Variants in TBXT observed in about 807,000 individuals in gnomAD.
The protein encoded by TBXT is T brachyury transcription factor.
In TBXT, 19 loss-of-function variants were observed where a neutral mutation model predicts 41.1. That is an observed-to-expected ratio of 0.46 (90% CI 0.32 to 0.68). The LOEUF is 0.68. Ranked by LOEUF, TBXT falls within the 30% of genes least tolerant of loss-of-function variation. The pLI is 0.03. For synonymous variants in TBXT, 213 were observed against 238.9 expected (o/e 0.89, Z 1.00); for missense variants, 536 against 582.0 (o/e 0.92, Z 0.81).
At position 166,167,503 on chromosome 6, in the gene TBXT, G is replaced by T; in HGVS notation, c.89C>A (p.Ala30Glu). ...TGTGGGGTCGCCCTTCTCGCTGCCC[G>T]CCTGCAGCTCATTCTCCACGGCGCT... ...LLSAVENELQ[A>E]GSEKGDPTER... is the part of the protein sequence containing the mutation. Residue 30 changes from alanine (A) to glutamate (E), a missense_variant, in exon 1 of 8, where the codon GCG becomes GAG. By Grantham distance (107) the Ala-to-Glu change is moderately radical. Transcript: ENST00000366876. 1.2e-6 allele frequency: 2 copies of T among 1,608,296 alleles called. No homozygotes were observed. The highest frequency in any genetic ancestry group is 1.7e-6 in the Non-Finnish European group (2 of 1,179,570).
chr6:166,161,320 A>C (rs1209845069), intron 6 of TBXT, among the ~76,000 whole-genome samples: 1 of 152,224 alleles, frequency 6.6e-6, no homozygotes, highest in African/African-American at 2.4e-5. Context: ...TGATTACTTC[A>C]TAAGAATGGG....
Position 166,158,223 on chromosome 6 carries a change from A to G in TBXT, c.*92T>C. 1 of 1,597,216 alleles carries G rather than the reference A, an allele frequency of 6.3e-7. No individual in the cohort carries two copies. Among genetic ancestry groups the G allele is most frequent in the East Asian group, 2.2e-5 (1 of 44,820 alleles). Reference sequence around the variant, plus strand: ...GGCTGCATTTCCTTCTTAACCTGAGACTGCCACTGGGTACCTAGTAGGTCA... The same window carrying G: ...GGCTGCATTTCCTTCTTAACCTGAGGCTGCCACTGGGTACCTAGTAGGTCA... On this transcript the variant is annotated 3_prime_UTR_variant, in exon 8 of 8. Coordinates refer to ENST00000366876, the MANE Select transcript of TBXT (RefSeq NM_001366285.2).
Position 166,158,119 on chromosome 6 carries a change from C to T in TBXT, c.*196G>A. The T allele has an allele frequency of 1.3e-6, 1 of 799,574 alleles. No individual in the cohort carries two copies. The highest frequency in any genetic ancestry group is 2.0e-6 in the Non-Finnish European group (1 of 492,202). 49.5% of individuals were successfully genotyped at this position (799,574 alleles called of 1,614,324 possible). ...GCCACCTGGGACAGCACCGCTACTGCAGGTGTGAGCAAGGGATGCTGGGGC... is the reference window on the plus strand; with the variant it reads ...GCCACCTGGGACAGCACCGCTACTGTAGGTGTGAGCAAGGGATGCTGGGGC... On this transcript the variant is annotated 3_prime_UTR_variant, in exon 8 of 8. Coordinates refer to ENST00000366876, the MANE Select transcript of TBXT (RefSeq NM_001366285.2).
upstream of TBXT, chr6:166,167,867 G>A (rs1779180553): frequency 5.8e-6 from 3 of 521,266 alleles, no homozygotes; most frequent in East Asian, 3.3e-5. Context: ...CCGAAATTCA[G>A]TGCCCTCCCC....
chr6:166,162,293 G>A (rs1031832898), intron 6 of TBXT, among the ~76,000 whole-genome samples, 154 bp downstream of exon 6: 1 of 152,212 alleles, frequency 6.6e-6, no homozygotes, highest in Non-Finnish European at 1.5e-5. Context: ...ATAAATTGAA[G>A]ATCTTCTCTT....
chr6:166,167,594 T>A lies in TBXT; in HGVS notation c.-3A>T. The A allele has an allele frequency of 6.4e-7, 1 of 1,550,568 alleles. No homozygotes were observed. Among genetic ancestry groups the A allele is most frequent in the Non-Finnish European group, 8.7e-7 (1 of 1,153,712 alleles). ...CTCTCGGTGCCAGGGGAGCTCATCC[T>A]CCCGTCCGGCTCCCCTCCCCGCCGT... On this transcript the variant is annotated 5_prime_UTR_variant, in exon 1 of 8. Coordinates refer to ENST00000366876, the MANE Select transcript of TBXT (RefSeq NM_001366285.2).
rs2128523539 is a variant in TBXT, at chr6:166,166,787, C to T, written c.276G>A (p.Leu92=). The T allele has an allele frequency of 6.2e-7, 1 of 1,613,916 alleles. No homozygotes were observed. The highest frequency in any genetic ancestry group is 1.1e-5 in the South Asian group (1 of 91,088). The change falls in exon 2 of 8, where the codon CTG becomes CTA. Residue 92 remains leucine, a synonymous_variant. Transcript: ENST00000366876. ...GGTGGTTGTCCGCCGCCACGAAGTC[C>T]AGCAGGAAGGAGTACATGGCGTTGG... ...LDPNAMYSFL[L]DFVAADNHRW...
rs764501069 is a variant in TBXT at position 166,158,490 on chromosome 6, C to T, written c.1136G>A (p.Gly379Asp). 1.2e-6 allele frequency: 2 copies of T among 1,609,898 alleles called. No homozygotes were observed. The highest frequency in any genetic ancestry group is 1.7e-6 in the Non-Finnish European group (2 of 1,177,464). The part of the protein sequence containing the change: ...SNGLGAQFFR[G>D]SPAHYTPLTH... ...GAGGGGTGTGTAGTGCGCGGGGGAG[C>T]CCCGGAAGAACTGGGCCCCCAGCCC... Residue 379 changes from glycine (G) to aspartate (D), a missense_variant, in exon 8 of 8, where the codon GGC becomes GAC. Coordinates refer to ENST00000366876, the MANE Select transcript of TBXT (RefSeq NM_001366285.2).
At chr6:166,161,718 C>A (rs996723999) in intron 6 of TBXT, among the ~76,000 whole-genome samples, 1 of 152,100 alleles carries the variant, frequency 6.6e-6, no homozygotes, top group African/African-American at 2.4e-5. Flanking sequence ...GTCAGAAGAT[C>A]GAGACCATCC....
In TBXT at chr6:166,166,613, G is replaced by C; in HGVS notation, c.450C>G (p.Asn150Lys). The change falls in exon 2 of 8, where the codon AAC (asparagine) becomes AAG (lysine). Residue 150 changes from asparagine to lysine, a missense_variant. By Grantham distance (94) the Asn-to-Lys change is moderately conservative. Transcript: ENST00000366876. ...PVSFSKVKLT[N>K]KLNGGGQIML... ...CTACCTGGCCCCCTCCGTTGAGCTT[G>C]TTGGTGAGCTTGACTTTGCTGAAGG... is the stretch of plus-strand genomic sequence containing the variant. 6.2e-7 allele frequency: 1 copy of C among 1,614,060 alleles called. No homozygotes were observed. The highest frequency in any genetic ancestry group is 8.5e-7 in the Non-Finnish European group (1 of 1,180,018).
At chr6:166,167,956 C>A, upstream of TBXT, 1 of 363,450 alleles carries the variant, frequency 2.8e-6, no homozygotes, top group Non-Finnish European at 5.2e-6. Flanking sequence ...GGCAGCCTCC[C>A]ATTGGCCGAG....
rs1016396712 is a variant in TBXT at position 166,167,251 on chromosome 6, G to T, written c.206+135C>A. On this transcript the variant is annotated intron_variant, in intron 1 of 7. Coordinates refer to ENST00000366876, the MANE Select transcript of TBXT (RefSeq NM_001366285.2). ...GGCTTGTAGAAATGCACTCGAGGGA[G>T]TTAACCAGAGCGGGAACAAACACAA... 4 of 1,034,630 alleles carry T rather than the reference G, an allele frequency of 3.9e-6. No homozygotes were observed. In the Admixed American group the frequency reaches 6.2e-5, roughly 16 times the overall value. The allele number at this position is 1,034,630 out of a possible 1,614,324, so 64.1% of individuals were successfully genotyped here.
At chr6:166,160,573 G>A (rs1388890213) in intron 7 of TBXT, among the ~76,000 whole-genome samples, 2 of 152,112 alleles carry the variant, frequency 1.3e-5, no homozygotes, top group African/African-American at 2.4e-5. Flanking sequence ...TTTCATTCAG[G>A]GATGGGATAG....
chr6:166,161,035 TACC>T, intron 6 of TBXT, 69 bp from the exon 7 acceptor site: 1 of 1,588,382 alleles, frequency 6.3e-7, no homozygotes, highest in Non-Finnish European at 8.6e-7. Context: ...TACAGTGAAA[TACC>T]ACCAATAACT....
chr6:166,161,502 T>C (rs1433776486), intron 6 of TBXT, among the ~76,000 whole-genome samples: 1 of 152,258 alleles, frequency 6.6e-6, no homozygotes, highest in African/African-American at 2.4e-5. Flanking sequence ...TTTCCTTCTT[T>C]TGGAGCCAGA....
chr6:166,163,172 G>C (rs1215173339), intron 5 of TBXT, among the ~76,000 whole-genome samples: 1 of 152,204 alleles, frequency 6.6e-6, no homozygotes. Flanking sequence ...GCAGGTGAGA[G>C]ATGCTGAGAG....
rs756439333 is a variant in TBXT at position 166,167,612 on chromosome 6, C to T, written c.-21G>A. On this transcript the variant is annotated 5_prime_UTR_variant, in exon 1 of 8. Transcript: ENST00000366876. ...CTCATCCTCCCGTCCGGCTCCCCTC[C>T]CCGCCGTCCCCGAAGCCCAGACTCG... 68 of 1,541,322 alleles carry T rather than the reference C, an allele frequency of 4.4e-5. No homozygotes were observed. Among genetic ancestry groups the T allele is most frequent in the Non-Finnish European group, 5.7e-5 (65 of 1,148,952 alleles).
chr6:166,162,050 C>T (rs1014070869), intron 6 of TBXT, among the ~76,000 whole-genome samples: 1 of 152,232 alleles, frequency 6.6e-6, no homozygotes, highest in Non-Finnish European at 1.5e-5. Flanking sequence ...TGGAGAATCA[C>T]TGGTGTAGTC....
rs535926024 is a variant in TBXT at position 166,160,779 on chromosome 6, G to A, written c.1037+58C>T. ...AAGGGCCTATGGGAATGGAAACAGC[G>A]TGAAGTCACAGGCAGAGCTCCCAGG... On this transcript the variant is annotated intron_variant, in intron 7 of 7. Coordinates refer to ENST00000366876, the MANE Select transcript of TBXT (RefSeq NM_001366285.2). 2.6e-5 allele frequency: 42 copies of A among 1,609,820 alleles called. No individual in the cohort carries two copies. In the African/African-American group the frequency reaches 3.6e-4, roughly 14 times the overall value.
Sources: gnomAD v4.1 joint callset for allele counts (sites outside exome capture counted in the v4.1 genomes callset) on GRCh38, gnomAD v4.1.1 for gene constraint, MANE v1.5 for transcripts, NCBI Gene and HGNC (gene_info 2026-07-23, HGNC 2026-07-21) for gene names.